DSCAM: variants seen among roughly 807,000 people sequenced by gnomAD.
DSCAM encodes cell adhesion molecule DSCAM.
A neutral mutation model predicts 217.7 loss-of-function variants in DSCAM; 47 were observed. That is an observed-to-expected ratio of 0.22 (90% confidence interval 0.17 to 0.28). The LOEUF (loss-of-function observed/expected upper bound fraction) is 0.28, where lower values mean the gene tolerates loss of function less well. Ranked by LOEUF, DSCAM falls within the 10% of genes least tolerant of loss-of-function variation. The pLI is 1.00. For missense variants in DSCAM, 2,080 were observed against 2,618.3 expected (o/e 0.79, Z 4.49); for synonymous variants, 1,056 against 1,015.3 (o/e 1.04, Z -0.76).
intron 3 of DSCAM, among the ~76,000 whole-genome samples, chr21:40,514,133 C>G (rs1322601830): frequency 6.6e-6 from 1 of 152,120 alleles, no homozygotes. Flanking sequence ...AGCAACCTCC[C>G]AAAACAATTT....
chr21:40,340,983 C>T (rs1486961721), intron 6 of DSCAM, among the ~76,000 whole-genome samples: 1 of 152,132 alleles, frequency 6.6e-6, no homozygotes, highest in Non-Finnish European at 1.5e-5. Context: ...CCCTCCACCC[C>T]CTACTCCTTT....
intron 3 of DSCAM, among the ~76,000 whole-genome samples, chr21:40,514,228 T>C (rs1237614472): frequency 4.6e-5 from 7 of 152,338 alleles, no homozygotes; most frequent in Non-Finnish European, 1.0e-4. Flanking sequence ...AGGAAAGCTG[T>C]TGCAGAGCCC....
intron 20 of DSCAM, among the ~76,000 whole-genome samples, chr21:40,112,890 C>A (rs572015810): frequency 6.6e-6 from 1 of 152,198 alleles, no homozygotes; most frequent in Admixed American, 6.5e-5. Context: ...TCTGAATAGA[C>A]CAATAAGAGG....
At chr21:40,423,827 T>G (rs1312354255) in intron 3 of DSCAM, among the ~76,000 whole-genome samples, 2 of 150,354 alleles carry the variant, frequency 1.3e-5, no homozygotes, top group Non-Finnish European at 1.5e-5. Context: ...TGAATGGCAT[T>G]TCATAGATGT....
intron 3 of DSCAM, among the ~76,000 whole-genome samples, chr21:40,492,469 A>C (rs1003215138): frequency 6.6e-6 from 1 of 152,128 alleles, no homozygotes; most frequent in African/African-American, 2.4e-5. Flanking sequence ...ACTCTTCAAA[A>C]AATACAGAGA....
At chr21:40,417,824 A>G (rs1188555887) in intron 3 of DSCAM, among the ~76,000 whole-genome samples, 1 of 152,200 alleles carries the variant, frequency 6.6e-6, no homozygotes, top group African/African-American at 2.4e-5. Flanking sequence ...GATCACAATA[A>G]CAAAATACAA....
chr21:40,573,778 C>G (rs1601755884), intron 3 of DSCAM, among the ~76,000 whole-genome samples: 1 of 152,024 alleles, frequency 6.6e-6, no homozygotes, highest in Non-Finnish European at 1.5e-5. Flanking sequence ...TGAAAAGAAT[C>G]TATATCAGTA....
At position 40,480,951 on chromosome 21, in the gene DSCAM, G is replaced by GA. The variant is rs200378327; in HGVS notation, c.509-111707dup. Among the ~76,000 whole-genome samples, 652 of 152,116 alleles carry GA rather than the reference G, an allele frequency of 4.3e-3. 11 individuals carry two copies. Among genetic ancestry groups the GA allele is most frequent in the East Asian group, 0.037 (193 of 5,148 alleles). ...GAATTAACAATTTATTCTCATCTGG[G>GA]AAAAAAACAACTCTTTTAGGCCATG... On this transcript the variant is annotated intron_variant, in intron 3 of 32. Transcript: ENST00000400454.
chr21:40,319,513 T>C (rs2074236708), intron 8 of DSCAM, among the ~76,000 whole-genome samples: 1 of 152,228 alleles, frequency 6.6e-6, no homozygotes, highest in Non-Finnish European at 1.5e-5. Flanking sequence ...GTTGTTTCCA[T>C]GTCTTGGCTG....
chr21:40,302,458 T>C (rs1319854934), intron 9 of DSCAM, among the ~76,000 whole-genome samples: 1 of 152,180 alleles, frequency 6.6e-6, no homozygotes, highest in Non-Finnish European at 1.5e-5. Context: ...TAATCCTCTT[T>C]TTCTTTATAA....
chr21:40,765,354 C>T (rs1040847583), intron 1 of DSCAM, among the ~76,000 whole-genome samples: 4 of 142,008 alleles, frequency 2.8e-5, no homozygotes, highest in African/African-American at 7.3e-5. Flanking sequence ...ACTTCCTCCT[C>T]CTCCTCTGCT....
At chr21:40,717,985 G>A (rs1268734403) in intron 1 of DSCAM, among the ~76,000 whole-genome samples, 1 of 152,168 alleles carries the variant, frequency 6.6e-6, no homozygotes, top group Non-Finnish European at 1.5e-5. Context: ...GGCATTGGTG[G>A]TGAGAAGGGA....
intron 3 of DSCAM, among the ~76,000 whole-genome samples, chr21:40,670,181 T>C (rs1259515747): frequency 6.6e-6 from 1 of 152,238 alleles, no homozygotes; most frequent in African/African-American, 2.4e-5. Flanking sequence ...GTAAAGTACA[T>C]GTAACATAAA....
intron 1 of DSCAM, among the ~76,000 whole-genome samples, chr21:40,776,291 T>C (rs1436809521): frequency 2.0e-5 from 3 of 152,184 alleles, no homozygotes; most frequent in Non-Finnish European, 4.4e-5. Flanking sequence ...TTTTAGACTT[T>C]GCAAATTTTG....
chr21:40,159,426 A>C (rs1161662337), intron 16 of DSCAM, among the ~76,000 whole-genome samples: 1 of 152,202 alleles, frequency 6.6e-6, no homozygotes, highest in African/African-American at 2.4e-5. Flanking sequence ...GCATCCATGC[A>C]TTCATAATGC....
chr21:40,586,811 C>T (rs111284309), intron 3 of DSCAM, among the ~76,000 whole-genome samples: 3 of 152,262 alleles, frequency 2.0e-5, no homozygotes, highest in African/African-American at 7.2e-5. Flanking sequence ...GTTTCTAAAG[C>T]AAATTTCTGT....
intron 32 of DSCAM, among the ~76,000 whole-genome samples, chr21:40,036,502 T>G (rs1157231316): frequency 2.8e-5 from 4 of 142,526 alleles, no homozygotes; most frequent in African/African-American, 1.1e-4. Flanking sequence ...AATAACAGGA[T>G]CTGAAATTGT....
intron 20 of DSCAM, among the ~76,000 whole-genome samples, chr21:40,113,355 T>C (rs2089925072): frequency 6.6e-6 from 1 of 152,044 alleles, no homozygotes; most frequent in African/African-American, 2.4e-5. Flanking sequence ...TTTGACAAAA[T>C]TCAACAACCC....
intron 3 of DSCAM, among the ~76,000 whole-genome samples, chr21:40,511,848 G>C (rs979154195): frequency 2.6e-5 from 4 of 151,700 alleles, no homozygotes; most frequent in African/African-American, 7.3e-5. Context: ...AAAATTAGCC[G>C]GGCGTGGTGG....
Sources: allele counts gnomAD v4.1 joint callset (sites outside exome capture counted in the v4.1 genomes callset), GRCh38; gene constraint gnomAD v4.1.1; transcripts MANE v1.5; gene names NCBI Gene and HGNC (gene_info 2026-07-23, HGNC 2026-07-21).